Variants in ANK2 observed in about 807,000 individuals in gnomAD.
ANK2 encodes ankyrin-2.
In ANK2, 83 loss-of-function variants were observed where a neutral mutation model predicts 360.5. That is an observed-to-expected ratio of 0.23 (90% CI 0.19 to 0.28). ANK2 has a LOEUF of 0.28. ANK2 is among the 10% of genes least tolerant of loss of function. The pLI is 1.00. For synonymous variants in ANK2, 1,740 were observed against 1,759.5 expected, an observed-to-expected ratio of 0.99 and a Z score of 0.28; for missense variants, 4,201 against 4,795.7, an observed-to-expected ratio of 0.88 and a Z score of 3.66.
chr4:112,752,133 G>A, the ANK2 span, among the ~76,000 whole-genome samples: 2 of 152,204 alleles, frequency 1.3e-5, no homozygotes, highest in African/African-American at 4.8e-5. Flanking sequence ...GGAGCAGGGA[G>A]TCCATATTCT....
At chr4:112,816,381 A>T (rs1979086), upstream of ANK2, among the ~76,000 whole-genome samples, 88,789 of 151,968 alleles carry the variant, frequency 0.58, 26,878 homozygotes, top group East Asian at 0.93. Flanking sequence ...ATCCTGGTCA[A>T]CTCAGGGGAA....
At chr4:113,360,415 A>G (rs1048112614) in intron 38 of ANK2, among the ~76,000 whole-genome samples, 2 of 152,038 alleles carry the variant, frequency 1.3e-5, no homozygotes, top group Non-Finnish European at 2.9e-5. Flanking sequence ...GAAATGATCT[A>G]TCCCTCCACA....
At chr4:112,876,710 G>C (rs2075232436) in intron 1 of ANK2, among the ~76,000 whole-genome samples, 1 of 152,166 alleles carries the variant, frequency 6.6e-6, no homozygotes, top group African/African-American at 2.4e-5. Flanking sequence ...TGGTAAGGGA[G>C]CGAATTTATC....
chr4:112,823,126 CA>C (rs1425974698), intron 1 of ANK2, among the ~76,000 whole-genome samples: 1 of 152,128 alleles, frequency 6.6e-6, no homozygotes, highest in Non-Finnish European at 1.5e-5. Flanking sequence ...GCAATAAACA[CA>C]AAATTAGATT....
At chr4:113,332,101 G>T (rs778179315) in intron 28 of ANK2, 31 bp downstream of exon 28, 9 of 1,547,676 alleles carry the variant, frequency 5.8e-6, no homozygotes, top group Non-Finnish European at 8.9e-7. Flanking sequence ...ATTGATGGCT[G>T]CTGGCCCCCC....
rs555773293 is a variant in ANK2, at chr4:113,011,700, G to A, written c.21+107186G>A. Reference sequence around the variant, plus strand: ...GTATAGAGAGGACATCTTACATATGGATATTTTATCTCCTGCTTTTAGGAA... The same window carrying A: ...GTATAGAGAGGACATCTTACATATGAATATTTTATCTCCTGCTTTTAGGAA... On this transcript the variant is annotated intron_variant, in intron 2 of 30. Coordinates refer to the ANK2 transcript ENST00000503271. Among the ~76,000 whole-genome samples, 79 of 152,180 alleles carry A rather than the reference G, an allele frequency of 5.2e-4. 1 individual carries two copies. Among genetic ancestry groups the A allele is most frequent in the South Asian group, 4.8e-3 (23 of 4,820 alleles).
At chr4:113,014,991 TG>T (rs2056138811) in intron 2 of ANK2, among the ~76,000 whole-genome samples, 1 of 151,366 alleles carries the variant, frequency 6.6e-6, no homozygotes, top group Non-Finnish European at 1.5e-5. Flanking sequence ...CCCGAGTAGC[TG>T]GGACTACAGG....
chr4:113,354,495 G>A lies in ANK2; in HGVS notation c.5877G>A (p.Lys1959=), dbSNP rs2095619663. 6.2e-7 allele frequency: 1 copy of A among 1,613,914 alleles called. No homozygotes were observed. The highest frequency in any genetic ancestry group is 1.3e-5 in the African/African-American group (1 of 74,940). Residue 1959 remains lysine, a synonymous_variant, in exon 38 of 46, where the codon AAG becomes AAA. Coordinates refer to ENST00000357077, the MANE Select transcript of ANK2 (RefSeq NM_001148.6). The stretch of plus-strand genomic sequence containing the variant: ...TATCAACAGCTGGGAAAACTGAGAA[G>A]CACCTGCCTGTGTCACCTTCTGGCA... ...QPVSTAGKTE[K]HLPVSPSGKT...
Position 113,302,808 on chromosome 4 carries a change from G to C in ANK2, c.2517G>C (p.Met839Ile). The C allele has an allele frequency of 1.2e-6, 2 of 1,613,866 alleles. No individual in the cohort carries two copies. The highest frequency in any genetic ancestry group is 1.7e-6 in the Non-Finnish European group (2 of 1,179,826). Residue 839 changes from methionine to isoleucine, a missense_variant, in exon 23 of 46, where the codon ATG becomes ATC. This residue lies in a region of ANK2 where 1,268 missense variants were observed against 1,650.8 expected (regional missense o/e 0.77). Coordinates refer to ENST00000357077, the MANE Select transcript of ANK2 (RefSeq NM_001148.6). Reference protein sequence around the residue: ...EKHKLNVPETMTEVLDVSDEE... With the variant: ...EKHKLNVPETITEVLDVSDEE... ...ACAAACTAAATGTACCTGAGACGATGACTGAGGTTCTTGATGTTTCTGATG... is the reference window on the plus strand; with the variant it reads ...ACAAACTAAATGTACCTGAGACGATCACTGAGGTTCTTGATGTTTCTGATG...
At chr4:112,892,296 A>T (rs2080272138) in intron 1 of ANK2, among the ~76,000 whole-genome samples, 1 of 152,234 alleles carries the variant, frequency 6.6e-6, no homozygotes, top group Non-Finnish European at 1.5e-5. Context: ...TGCCAGGAAC[A>T]TTTGCCCTTG....
At chr4:113,376,225 T>G (rs2096928632) in intron 45 of ANK2, among the ~76,000 whole-genome samples, 1 of 152,216 alleles carries the variant, frequency 6.6e-6, no homozygotes, top group Non-Finnish European at 1.5e-5. Context: ...CTAGGTGGTA[T>G]AGCCTACTAT....
chr4:112,821,561 T>G (rs1026804772), intron 1 of ANK2, among the ~76,000 whole-genome samples: 1 of 150,584 alleles, frequency 6.6e-6, no homozygotes, highest in East Asian at 2.0e-4. Context: ...TGGAGTGCAG[T>G]GGTGTGATCA....
Position 113,381,724 on chromosome 4 carries a change from C to T in ANK2, c.*253C>T, listed in dbSNP as rs997208184. ...TTCAGTAGGGGAGTGACCTAACTGG[C>T]CTAATTAATGGGATACCCCGACATT... On this transcript the variant is annotated 3_prime_UTR_variant, in exon 46 of 46. Transcript: ENST00000357077. 7.1e-7 allele frequency: 1 copy of T among 1,412,654 alleles called. No homozygotes were observed. Among genetic ancestry groups the T allele is most frequent in the Non-Finnish European group, 9.6e-7 (1 of 1,043,056 alleles). 87.5% of individuals were successfully genotyped at this position (1,412,654 alleles called of 1,614,324 possible).
At chr4:113,059,063 G>A (rs1479021286) in intron 1 of ANK2, among the ~76,000 whole-genome samples, 2 of 152,216 alleles carry the variant, frequency 1.3e-5, no homozygotes, top group East Asian at 1.9e-4. Flanking sequence ...CTTCTGGGGC[G>A]TCTTTTATAT....
intron 1 of ANK2, among the ~76,000 whole-genome samples, chr4:112,837,350 G>A (rs1284405443): frequency 6.6e-6 from 1 of 152,262 alleles, no homozygotes; most frequent in Non-Finnish European, 1.5e-5. Flanking sequence ...ATGCCTGGAA[G>A]TCCACATGAA....
intron 43 of ANK2, chr4:113,372,628 A>T (rs1355044746): frequency 2.6e-6 from 4 of 1,530,756 alleles, no homozygotes; most frequent in Non-Finnish European, 3.5e-6. Context: ...TTATTCAGGT[A>T]CCCACTGTTA....
At chr4:112,710,934 A>C in the ANK2 span, among the ~76,000 whole-genome samples, 1,320 of 115,896 alleles carry the variant, frequency 0.011, 19 homozygotes, top group African/African-American at 0.049. Flanking sequence ...TGTATATATG[A>C]TTACATTTAT....
rs773234917 is a variant in ANK2 at position 113,369,690 on chromosome 4, C to A, written c.11495C>A (p.Pro3832His). Residue 3832 changes from proline to histidine, a missense_variant, in exon 43 of 46, where the codon CCC becomes CAC. This residue lies in a region of ANK2 where 2,642 missense variants were observed against 2,714.5 expected (regional missense o/e 0.97). Transcript: ENST00000357077. ...CCCATCATACAAGAACCCGAAGAGC[C>A]CTCAGAGCACAGAGAGGAGAGCTCT... The part of the protein sequence containing the change: ...GSPIIQEPEE[P>H]SEHREESSPR... 6 of 1,613,986 alleles carry A rather than the reference C, an allele frequency of 3.7e-6. No individual in the cohort carries two copies. Among genetic ancestry groups the A allele is most frequent in the African/African-American group, 1.3e-5 (1 of 74,900 alleles).
chr4:113,359,403 A>G (rs2096057285), intron 38 of ANK2, 104 bp downstream of exon 38: 11 of 1,480,736 alleles, frequency 7.4e-6, no homozygotes, highest in Non-Finnish European at 1.0e-5. Context: ...CATTTTCTTT[A>G]AGCTTTCTGT....
Sources: allele counts gnomAD v4.1 joint callset (sites outside exome capture counted in the v4.1 genomes callset), GRCh38; gene constraint gnomAD v4.1.1; regional missense constraint gnomAD v4.1.1; transcripts MANE v1.5; gene names NCBI Gene and HGNC (gene_info 2026-07-23, HGNC 2026-07-21).